Variants in LRMDA observed in about 807,000 individuals in gnomAD.
LRMDA encodes leucine rich melanocyte differentiation associated, also known as leucine-rich melanocyte differentiation-associated protein.
LRMDA carries 18 observed loss-of-function variants against 29.8 expected under a neutral mutation model. The observed-to-expected ratio is 0.60, with a 90% CI of 0.42 to 0.90. The LOEUF (loss-of-function observed/expected upper bound fraction) is 0.90. LRMDA is among the 40% of genes least tolerant of loss of function. The pLI is 0.00. For synonymous variants in LRMDA, 125 were observed against 109.4 expected (o/e 1.14, Z -0.89); for missense variants, 273 against 273.9 (o/e 1.00, Z 0.02).
At chr10:76,089,337 G>T (rs1315816697) in intron 5 of LRMDA, among the ~76,000 whole-genome samples, 2 of 152,160 alleles carry the variant, frequency 1.3e-5, no homozygotes, top group African/African-American at 4.8e-5. Context: ...GATTGTCGAT[G>T]GAAATACAGA....
chr10:76,175,514 G>A lies in LRMDA; in HGVS notation c.516+116731G>A, dbSNP rs192395473. Among the ~76,000 whole-genome samples, 176 of 152,300 alleles carry A rather than the reference G, an allele frequency of 1.2e-3. 1 individual carries two copies. Among genetic ancestry groups the A allele is most frequent in the African/African-American group, 3.8e-3 (156 of 41,578 alleles). On this transcript the variant is annotated intron_variant, in intron 5 of 6. Transcript: ENST00000611255. ...TCTGGCCACTGGTGTGGTCATTACT[G>A]TTGTTAACAGGCCAGATAAGGGTCT...
intron 2 of LRMDA, among the ~76,000 whole-genome samples, chr10:75,593,564 G>A (rs1840748809): frequency 6.6e-6 from 1 of 152,218 alleles, no homozygotes; most frequent in South Asian, 2.1e-4. Context: ...AAAAGTATAC[G>A]AATGGATAGT....
At chr10:76,000,245 T>A (rs1847538454) in intron 2 of LRMDA, among the ~76,000 whole-genome samples, 1 of 152,172 alleles carries the variant, frequency 6.6e-6, no homozygotes, top group Non-Finnish European at 1.5e-5. Context: ...GTGTGGCAAG[T>A]CATCTTAAAA....
At chr10:75,998,598 C>T (rs115252814) in intron 2 of LRMDA, among the ~76,000 whole-genome samples, 3 of 152,320 alleles carry the variant, frequency 2.0e-5, no homozygotes, top group Admixed American at 1.3e-4. Context: ...TTAAAGCACA[C>T]GTCTTCGTGG....
intron 2 of LRMDA, among the ~76,000 whole-genome samples, chr10:76,031,973 A>G (rs1848157341): frequency 6.6e-6 from 1 of 152,108 alleles, no homozygotes; most frequent in Non-Finnish European, 1.5e-5. Flanking sequence ...GAGGGAGGAG[A>G]GATCGAATTC....
intron 2 of LRMDA, among the ~76,000 whole-genome samples, chr10:75,443,474 ATATAT>A (rs1564772494): frequency 6.6e-6 from 1 of 152,050 alleles, no homozygotes. Flanking sequence ...TTAATGTGGT[ATATAT>A]TATATATCAA....
chr10:75,646,153 T>A (rs1841518034), intron 2 of LRMDA, among the ~76,000 whole-genome samples: 1 of 152,126 alleles, frequency 6.6e-6, no homozygotes, highest in Non-Finnish European at 1.5e-5. Flanking sequence ...GTTTTTCTGT[T>A]GGTTGTGTCA....
chr10:75,832,743 G>A (rs1236992452), intron 2 of LRMDA, among the ~76,000 whole-genome samples: 2 of 152,330 alleles, frequency 1.3e-5, no homozygotes, highest in South Asian at 2.1e-4. Flanking sequence ...ATGGCAGAAG[G>A]CAAGGAGGAG....
intron 5 of LRMDA, among the ~76,000 whole-genome samples, chr10:76,114,282 A>G (rs1463300543): frequency 6.6e-6 from 1 of 152,260 alleles, no homozygotes; most frequent in Non-Finnish European, 1.5e-5. Context: ...CTGATAGATT[A>G]CACTATTTAT....
At chr10:75,824,814 T>C (rs1368983802) in intron 2 of LRMDA, among the ~76,000 whole-genome samples, 1 of 152,206 alleles carries the variant, frequency 6.6e-6, no homozygotes, top group Non-Finnish European at 1.5e-5. Flanking sequence ...ATGAAAACTT[T>C]GCTACTGATT....
At chr10:76,212,835 A>G (rs934831996) in intron 5 of LRMDA, among the ~76,000 whole-genome samples, 13 of 152,052 alleles carry the variant, frequency 8.5e-5, no homozygotes, top group African/African-American at 3.1e-4. Flanking sequence ...AGTGACTTGG[A>G]TCTTGCAATA....
At position 76,028,739 on chromosome 10, in the gene LRMDA, C is replaced by T. The variant is rs890579084; in HGVS notation, c.132-7269C>T. 7.9e-5 allele frequency among the ~76,000 whole-genome samples: 12 copies of T among 151,668 alleles called. No homozygotes were observed. The East Asian group carries it at 1.2e-3, about 15-fold the overall frequency. ...CATTTTTGAAGCAGTTATGACTCTACTTCTACCTAAGATTGTCATTTTCTA... is the reference window on the plus strand; with the variant it reads ...CATTTTTGAAGCAGTTATGACTCTATTTCTACCTAAGATTGTCATTTTCTA... On this transcript the variant is annotated intron_variant, in intron 2 of 6. Coordinates refer to ENST00000611255, the MANE Select transcript of LRMDA (RefSeq NM_001305581.2).
chr10:75,819,355 G>A (rs2132279243), intron 2 of LRMDA, among the ~76,000 whole-genome samples: 1 of 152,296 alleles, frequency 6.6e-6, no homozygotes, highest in Middle Eastern at 3.4e-3. Context: ...GTTGTGGGAA[G>A]GGATTACCTA....
At chr10:76,058,161 C>G (rs2132054058) in intron 4 of LRMDA, among the ~76,000 whole-genome samples, 1 of 152,316 alleles carries the variant, frequency 6.6e-6, no homozygotes. Context: ...TCTTAAGACC[C>G]CTGCCTGATT....
At chr10:75,533,825 C>G (rs989669673) in intron 2 of LRMDA, among the ~76,000 whole-genome samples, 3 of 152,118 alleles carry the variant, frequency 2.0e-5, no homozygotes, top group African/African-American at 7.2e-5. Context: ...GAGAGAGTAA[C>G]AATTAATTGC....
At chr10:76,470,337 A>C (rs984421120) in intron 6 of LRMDA, 31 of 152,102 alleles carry the variant, frequency 2.0e-4, no homozygotes, top group African/African-American at 7.2e-4. Context: ...TAACTAATTT[A>C]AAAAGCAATT....
At chr10:76,526,749 A>G (rs894745061) in intron 6 of LRMDA, among the ~76,000 whole-genome samples, 12 of 144,926 alleles carry the variant, frequency 8.3e-5, no homozygotes, top group African/African-American at 3.1e-4. Flanking sequence ...CACTAAGAAG[A>G]GGTGATCTCA....
intron 2 of LRMDA, among the ~76,000 whole-genome samples, chr10:75,941,714 A>G (rs772695795): frequency 2.0e-5 from 3 of 152,114 alleles, no homozygotes; most frequent in African/African-American, 7.2e-5. Flanking sequence ...GAAGCCCCCA[A>G]AGCAGCCATG....
chr10:76,411,821 G>T (rs1301096826), intron 6 of LRMDA, among the ~76,000 whole-genome samples: 1 of 152,172 alleles, frequency 6.6e-6, no homozygotes, highest in Non-Finnish European at 1.5e-5. Flanking sequence ...CTCTTTTGGG[G>T]CAGGCCACTT....
Sources: allele counts gnomAD v4.1 joint callset (sites outside exome capture counted in the v4.1 genomes callset), GRCh38; gene constraint gnomAD v4.1.1; transcripts MANE v1.5; gene names NCBI Gene and HGNC (gene_info 2026-07-23, HGNC 2026-07-21).